PSMA1: variants seen among roughly 807,000 people sequenced by gnomAD.
PSMA1 encodes the protein proteasome 20S subunit alpha 1.
PSMA1 carries 3 observed loss-of-function variants against 38.4 expected under a neutral mutation model. The ratio of observed to expected loss-of-function variants is 0.08; its 90% CI spans 0.04 to 0.20. The LOEUF is 0.20. Among genes scored for constraint, PSMA1 ranks in the 10% least tolerant of loss-of-function variants. PSMA1 has a pLI of 1.00. For missense variants in PSMA1, 227 were observed against 325.3 expected (o/e 0.70, Z 2.32); for synonymous variants, 101 against 107.1 (o/e 0.94, Z 0.35).
intron 2 of PSMA1, among the ~76,000 whole-genome samples, chr11:14,589,479 TAGA>T (rs1163124958): frequency 6.6e-6 from 1 of 151,398 alleles, no homozygotes; most frequent in Non-Finnish European, 1.5e-5. Context: ...TCTTTGTCAG[TAGA>T]AGGTGACTTA....
intron 2 of PSMA1, among the ~76,000 whole-genome samples, chr11:14,526,146 C>T (rs1851583671): frequency 6.6e-6 from 1 of 152,196 alleles, no homozygotes; most frequent in Non-Finnish European, 1.5e-5. Flanking sequence ...ACGACAACTC[C>T]TTTCCTTCCA....
At chr11:14,568,792 G>T (rs1182425530) in intron 2 of PSMA1, among the ~76,000 whole-genome samples, 1 of 152,200 alleles carries the variant, frequency 6.6e-6, no homozygotes, top group Non-Finnish European at 1.5e-5. Flanking sequence ...CTTTGGAAAG[G>T]CTTTCTGGAG....
intron 1 of PSMA1, among the ~76,000 whole-genome samples, chr11:14,615,612 C>T (rs908521833): frequency 6.6e-6 from 1 of 152,212 alleles, no homozygotes; most frequent in African/African-American, 2.4e-5. Context: ...GCAATTTTCA[C>T]TGTTGATGCT....
chr11:14,520,199 G>A, intron 1 of PSMA1, 98 bp downstream of exon 1: 1 of 1,567,096 alleles, frequency 6.4e-7, no homozygotes, highest in Non-Finnish European at 8.8e-7. Flanking sequence ...ATACCTCGTG[G>A]CACCGGGCGA....
chr11:14,602,311 C>G (rs959613164), intron 2 of PSMA1, among the ~76,000 whole-genome samples: 95 of 152,084 alleles, frequency 6.2e-4, no homozygotes, highest in Non-Finnish European at 2.8e-4. Flanking sequence ...TTGGGAGTAG[C>G]AAGGAAAACT....
upstream of PSMA1, among the ~76,000 whole-genome samples, chr11:14,524,582 C>A (rs1016314596): frequency 1.3e-5 from 2 of 152,176 alleles, no homozygotes; most frequent in Non-Finnish European, 2.9e-5. Flanking sequence ...AATCCACCAC[C>A]CGTTGCTGAC....
At chr11:14,512,211 C>A (rs541080612) in intron 7 of PSMA1, among the ~76,000 whole-genome samples, 98 of 152,114 alleles carry the variant, frequency 6.4e-4, no homozygotes, top group African/African-American at 2.2e-3. Flanking sequence ...CCCGTCTCTA[C>A]TAAAAATACA....
intron 2 of PSMA1, chr11:14,610,750 G>T: frequency 3.7e-6 from 2 of 539,744 alleles, no homozygotes; most frequent in South Asian, 5.1e-5. Context: ...CTTTCTTTTT[G>T]TGCCTATGAC....
chr11:14,561,342 A>C (rs1020071834), intron 2 of PSMA1, among the ~76,000 whole-genome samples: 10 of 152,172 alleles, frequency 6.6e-5, no homozygotes, highest in East Asian at 1.9e-4. Context: ...CCAGTCCACT[A>C]TCTATACATC....
chr11:14,625,500 T>C (rs1037745696), intron 1 of PSMA1, among the ~76,000 whole-genome samples: 2 of 152,202 alleles, frequency 1.3e-5, no homozygotes, highest in African/African-American at 4.8e-5. Flanking sequence ...CATAATTGAC[T>C]ACTGGACCAT....
intron 1 of PSMA1, among the ~76,000 whole-genome samples, chr11:14,638,533 CTCTCTCTCTCTCTATATATATA>C (rs1174933595): frequency 4.1e-4 from 12 of 28,958 alleles, no homozygotes; most frequent in South Asian, 2.5e-3. Flanking sequence ...CTCTCTCTCT[CTCTCTCTCTCTCTATATATATA>C]TATATATATA....
chr11:14,550,156 T>C (rs1461841696), intron 2 of PSMA1, among the ~76,000 whole-genome samples: 1 of 152,186 alleles, frequency 6.6e-6, no homozygotes, highest in Non-Finnish European at 1.5e-5. Flanking sequence ...ACTAGCTTAT[T>C]ATTATTATTT....
At chr11:14,631,186 G>A (rs1853002081) in intron 1 of PSMA1, among the ~76,000 whole-genome samples, 3 of 152,152 alleles carry the variant, frequency 2.0e-5, no homozygotes, top group South Asian at 4.1e-4. Context: ...TCTGATTTTA[G>A]TTATTTCTTG....
intron 2 of PSMA1, among the ~76,000 whole-genome samples, chr11:14,542,804 C>T (rs79042986): frequency 6.6e-6 from 1 of 152,294 alleles, no homozygotes; most frequent in African/African-American, 2.4e-5. Context: ...TTTTCTGTGC[C>T]AGAAACCATC....
At chr11:14,537,079 A>T (rs1198600399) in intron 2 of PSMA1, among the ~76,000 whole-genome samples, 1 of 152,204 alleles carries the variant, frequency 6.6e-6, no homozygotes, top group African/African-American at 2.4e-5. Context: ...TCTTTCCTCA[A>T]GACAAGAGAG....
chr11:14,615,738 C>G (rs1311342396), intron 1 of PSMA1, among the ~76,000 whole-genome samples: 1 of 152,154 alleles, frequency 6.6e-6, no homozygotes, highest in African/African-American at 2.4e-5. Flanking sequence ...TTCTGTGGTA[C>G]CATTTAGATC....
At chr11:14,637,312 C>T (rs899984172) in intron 1 of PSMA1, among the ~76,000 whole-genome samples, 1 of 152,236 alleles carries the variant, frequency 6.6e-6, no homozygotes, top group Non-Finnish European at 1.5e-5. Flanking sequence ...TCCTATTCTT[C>T]AATACCTAGG....
chr11:14,636,622 C>G (rs1257866345), intron 1 of PSMA1, among the ~76,000 whole-genome samples: 1 of 152,234 alleles, frequency 6.6e-6, no homozygotes, highest in Non-Finnish European at 1.5e-5. Context: ...GCTTCAGACT[C>G]ATACATCCAA....
At chr11:14,546,606 T>G (rs1851830674) in intron 2 of PSMA1, among the ~76,000 whole-genome samples, 1 of 151,904 alleles carries the variant, frequency 6.6e-6, no homozygotes, top group Admixed American at 6.6e-5. Context: ...CCCGGCTAAT[T>G]TTCGTATTTT....
Sources: gnomAD v4.1 joint callset for allele counts (sites outside exome capture counted in the v4.1 genomes callset) on GRCh38, gnomAD v4.1.1 for gene constraint, MANE v1.5 for transcripts, NCBI Gene and HGNC (gene_info 2026-07-23, HGNC 2026-07-21) for gene names.